The following HTR7 variants were observed in gnomAD, a reference collection of about 807,000 sequenced individuals.
HTR7 encodes the protein 5-HT-7.
HTR7 carries 16 observed loss-of-function variants against 34.0 expected under a neutral mutation model. The ratio of observed to expected loss-of-function variants is 0.47; its 90% confidence interval spans 0.32 to 0.71. The LOEUF (loss-of-function observed/expected upper bound fraction) is 0.71, where lower values mean the gene tolerates loss of function less well. Ranked by LOEUF, HTR7 falls within the 30% of genes least tolerant of loss-of-function variation. The pLI is 0.04. For missense variants in HTR7, 504 were observed against 625.5 expected (o/e 0.81, Z 2.07); for synonymous variants, 265 against 260.2 (o/e 1.02, Z -0.18).
chr10:90,790,400 TTTTGA>T (rs1845445060), intron 1 of HTR7, among the ~76,000 whole-genome samples: 1 of 152,186 alleles, frequency 6.6e-6, no homozygotes, highest in Non-Finnish European at 1.5e-5. Flanking sequence ...TCTTTTTCTG[TTTTGA>T]TTTGTTCTTT....
intron 1 of HTR7, among the ~76,000 whole-genome samples, chr10:90,758,324 G>A (rs1210290556): frequency 4.0e-5 from 5 of 124,842 alleles, no homozygotes; most frequent in African/African-American, 6.4e-5. Flanking sequence ...CAGCCTGGGC[G>A]ACAAAGCAAG....
At chr10:90,759,271 A>G (rs1214262173) in intron 1 of HTR7, among the ~76,000 whole-genome samples, 1 of 152,206 alleles carries the variant, frequency 6.6e-6, no homozygotes, top group Admixed American at 6.5e-5. Flanking sequence ...TCAAACATGA[A>G]AGAACTTGAA....
At chr10:90,832,880 A>G (rs1203490727) in intron 1 of HTR7, among the ~76,000 whole-genome samples, 5 of 152,202 alleles carry the variant, frequency 3.3e-5, no homozygotes, top group Non-Finnish European at 7.4e-5. Context: ...ACTTCCAGAC[A>G]AGGGCACAGC....
chr10:90,742,626 G>A, intron 3 of HTR7, 98 bp from the exon 4 acceptor site: 1 of 756,434 alleles, frequency 1.3e-6, no homozygotes, highest in East Asian at 2.6e-5. Flanking sequence ...ACAGCAGTCA[G>A]TAATTTGAAT....
intron 1 of HTR7, among the ~76,000 whole-genome samples, chr10:90,838,437 T>C (rs1490101856): frequency 6.6e-6 from 1 of 152,186 alleles, no homozygotes; most frequent in Non-Finnish European, 1.5e-5. Context: ...GATTACCTCT[T>C]GCCTTGACTA....
intron 1 of HTR7, among the ~76,000 whole-genome samples, chr10:90,793,536 C>CAAAAA (rs34846867): frequency 1.5e-5 from 2 of 132,790 alleles, no homozygotes; most frequent in African/African-American, 2.7e-5. Flanking sequence ...TAAGAAAGCT[C>CAAAAA]AAAAAAAAAA....
chr10:90,785,264 C>T (rs1845363138), intron 1 of HTR7, among the ~76,000 whole-genome samples: 1 of 152,136 alleles, frequency 6.6e-6, no homozygotes, highest in Non-Finnish European at 1.5e-5. Context: ...ATGAATGAAA[C>T]ATGCAGAAAA....
intron 1 of HTR7, among the ~76,000 whole-genome samples, chr10:90,774,751 G>C (rs111517670): frequency 0.027 from 4,110 of 152,210 alleles, 155 homozygotes; most frequent in African/African-American, 0.083. Flanking sequence ...TGCTGCAGTT[G>C]CAAACATCAC....
intron 1 of HTR7, among the ~76,000 whole-genome samples, chr10:90,813,719 A>G (rs1217295361): frequency 6.6e-6 from 1 of 152,176 alleles, no homozygotes; most frequent in Non-Finnish European, 1.5e-5. Context: ...GGAAATGGCT[A>G]CCTGGGGCTA....
intron 1 of HTR7, among the ~76,000 whole-genome samples, chr10:90,772,772 T>C (rs1189450542): frequency 2.6e-5 from 4 of 152,220 alleles, no homozygotes; most frequent in Non-Finnish European, 4.4e-5. Context: ...CTGCCTCATG[T>C]TTTTATTAAA....
intron 1 of HTR7, among the ~76,000 whole-genome samples, chr10:90,779,782 A>G (rs186143120): frequency 6.6e-6 from 1 of 152,328 alleles, no homozygotes; most frequent in East Asian, 1.9e-4. Context: ...AGGGAAGTGC[A>G]ATTTGTCACG....
At chr10:90,803,579 G>A (rs184721843) in intron 1 of HTR7, among the ~76,000 whole-genome samples, 31 of 152,250 alleles carry the variant, frequency 2.0e-4, no homozygotes, top group Middle Eastern at 3.4e-3. Flanking sequence ...TCTGTTTATC[G>A]GGAGACCGCC....
rs1846088776 is a variant in HTR7, at chr10:90,827,032, AAAC to A, written c.539+30098_539+30100del. 2.6e-5 allele frequency among the ~76,000 whole-genome samples: 4 copies of A among 152,156 alleles called. No individual in the cohort carries two copies. In the South Asian group the frequency reaches 8.3e-4, roughly 32 times the overall value. On this transcript the variant is annotated intron_variant, in intron 1 of 3. Coordinates refer to ENST00000336152, the MANE Select transcript of HTR7 (RefSeq NM_019859.4). ...CAAGCCTCATAGTAACTTCAAAACA[AAAC>A]AAAACAAAACATACCACAAATATGC...
Position 90,744,882 on chromosome 10 carries a change from G to T in HTR7, c.1296-1192C>A, listed in dbSNP as rs559414012. ...TCCTGCACCCAAATGCTTAGCTTCA[G>T]CCAGATGGTCCTTTGTATAAGCTCC... On this transcript the variant is annotated intron_variant, in intron 2 of 3. Coordinates refer to ENST00000336152, the MANE Select transcript of HTR7 (RefSeq NM_019859.4). Among the ~76,000 whole-genome samples the T allele has an allele frequency of 1.3e-4, 20 of 152,272 alleles. 1 individual carries two copies. Among genetic ancestry groups the T allele is most frequent in the Admixed American group, 1.3e-3 (20 of 15,288 alleles).
intron 1 of HTR7, among the ~76,000 whole-genome samples, chr10:90,756,874 C>T (rs982287148): frequency 3.9e-5 from 6 of 151,922 alleles, no homozygotes; most frequent in Non-Finnish European, 8.8e-5. Context: ...AAGAAAAATA[C>T]ATGTCTATTA....
chr10:90,782,959 G>A (rs1227809001), intron 1 of HTR7, among the ~76,000 whole-genome samples: 1 of 152,144 alleles, frequency 6.6e-6, no homozygotes, highest in Non-Finnish European at 1.5e-5. Flanking sequence ...CCATTGTGCT[G>A]TGTATAGTTT....
intron 1 of HTR7, among the ~76,000 whole-genome samples, chr10:90,817,993 G>T (rs1845922409): frequency 6.6e-6 from 1 of 152,162 alleles, no homozygotes; most frequent in African/African-American, 2.4e-5. Context: ...TCTATTTATA[G>T]AAAAGGCAAA....
intron 1 of HTR7, among the ~76,000 whole-genome samples, chr10:90,764,883 T>A (rs11817665): frequency 6.6e-6 from 1 of 151,972 alleles, no homozygotes; most frequent in African/African-American, 2.4e-5. Context: ...GCTAATGTGG[T>A]GTATCATATT....
intron 1 of HTR7, among the ~76,000 whole-genome samples, chr10:90,830,940 CAA>C (rs1846159771): frequency 6.6e-6 from 1 of 152,218 alleles, no homozygotes; most frequent in Admixed American, 6.5e-5. Context: ...GATCTCCAGA[CAA>C]GAGGTCAGTC....
Sources: gnomAD v4.1 joint callset for allele counts (sites outside exome capture counted in the v4.1 genomes callset) on GRCh38, gnomAD v4.1.1 for gene constraint, MANE v1.5 for transcripts, NCBI Gene and HGNC (gene_info 2026-07-23, HGNC 2026-07-21) for gene names.